Variants in DPP10 observed in about 807,000 individuals in gnomAD.
DPP10 encodes dipeptidyl peptidase like 10.
A neutral mutation model predicts 120.9 loss-of-function variants in DPP10; 33 were observed. The observed-to-expected ratio is 0.27, with a 90% CI of 0.21 to 0.37. DPP10 has a LOEUF of 0.37. Ranked by LOEUF, DPP10 falls within the 10% of genes least tolerant of loss-of-function variation. The pLI is 1.00. For missense variants in DPP10, 816 were observed against 942.8 expected, an observed-to-expected ratio of 0.87 and a Z score of 1.76; for synonymous variants, 337 against 326.1, an observed-to-expected ratio of 1.03 and a Z score of -0.36.
chr2:115,124,966 T>C (rs2049997303), intron 1 of DPP10, among the ~76,000 whole-genome samples: 1 of 152,218 alleles, frequency 6.6e-6, no homozygotes, highest in Non-Finnish European at 1.5e-5. Flanking sequence ...TAATTCATCC[T>C]AACCACTCCT....
chr2:115,672,718 T>TTCTTTCTCTTTCTTTCTCTTTC (rs1294432919), intron 5 of DPP10, among the ~76,000 whole-genome samples: 1 of 115,744 alleles, frequency 8.6e-6, no homozygotes, highest in Non-Finnish European at 2.0e-5. Context: ...TTCTCTTTCT[T>TTCTTTCTCTTTCTTTCTCTTTC]TCTCTTTCTC....
rs35758447 is a variant in DPP10 at position 115,243,773 on chromosome 2, A to ATTT, written c.61-65458_61-65456dup. Among the ~76,000 whole-genome samples, 122 of 149,022 alleles carry ATTT rather than the reference A, an allele frequency of 8.2e-4. 1 individual carries two copies. The highest frequency in any genetic ancestry group is 6.8e-3 in the Middle Eastern group (2 of 292). ...CTTCTTGCTGGTTTTTTTTTAAACT[A>ATTT]TTTTTTTTTTCATCTAGCCACCAGA... On this transcript the variant is annotated intron_variant, in intron 1 of 25. Coordinates refer to ENST00000410059, the MANE Select transcript of DPP10 (RefSeq NM_020868.6).
At chr2:114,735,448 A>G (rs1677333706) in intron 1 of DPP10, among the ~76,000 whole-genome samples, 1 of 152,142 alleles carries the variant, frequency 6.6e-6, no homozygotes, top group Non-Finnish European at 1.5e-5. Flanking sequence ...AAAATGTAAA[A>G]ATCTTTCAGA....
At chr2:115,005,560 C>T (rs1164223937) in intron 1 of DPP10, among the ~76,000 whole-genome samples, 1 of 151,468 alleles carries the variant, frequency 6.6e-6, no homozygotes, top group Non-Finnish European at 1.5e-5. Context: ...TCGAGAACTA[C>T]GTGAAGAATG....
intron 1 of DPP10, among the ~76,000 whole-genome samples, chr2:115,047,688 G>T (rs1705168380): frequency 6.6e-6 from 1 of 152,026 alleles, no homozygotes; most frequent in Admixed American, 6.6e-5. Context: ...CTCAAGACAA[G>T]AATTTAATAA....
At chr2:115,473,438 C>T (rs1048407883) in intron 3 of DPP10, among the ~76,000 whole-genome samples, 2 of 152,302 alleles carry the variant, frequency 1.3e-5, no homozygotes, top group East Asian at 3.9e-4. Context: ...TGAGTGAGGG[C>T]TCCTTGACTC....
chr2:115,700,646 C>A (rs763775574), intron 7 of DPP10, among the ~76,000 whole-genome samples: 2 of 151,958 alleles, frequency 1.3e-5, no homozygotes, highest in Non-Finnish European at 2.9e-5. Flanking sequence ...AAAATTATTT[C>A]CATTTACAGA....
intron 5 of DPP10, among the ~76,000 whole-genome samples, chr2:115,679,527 TGTAAA>T (rs2090506922): frequency 6.6e-6 from 1 of 152,204 alleles, no homozygotes; most frequent in Non-Finnish European, 1.5e-5. Flanking sequence ...CTCTTTTCTT[TGTAAA>T]TTACCAAGTC....
intron 5 of DPP10, among the ~76,000 whole-genome samples, chr2:115,537,599 G>T (rs1358257980): frequency 6.9e-6 from 1 of 144,376 alleles, no homozygotes; most frequent in African/African-American, 2.6e-5. Flanking sequence ...TCTGTGTATG[G>T]TCTAGAACAA....
intron 2 of DPP10, among the ~76,000 whole-genome samples, chr2:115,341,245 C>T (rs1259413345): frequency 1.3e-5 from 2 of 151,912 alleles, no homozygotes; most frequent in African/African-American, 4.8e-5. Flanking sequence ...CATGTAATAC[C>T]CAGGGTTTTT....
chr2:115,653,291 C>A (rs139030694), intron 5 of DPP10, among the ~76,000 whole-genome samples: 1 of 151,864 alleles, frequency 6.6e-6, no homozygotes, highest in African/African-American at 2.4e-5. Flanking sequence ...TTGTTTAATA[C>A]AAGTTAAAAA....
chr2:115,058,853 G>C (rs1436634277), intron 1 of DPP10, among the ~76,000 whole-genome samples: 1 of 150,670 alleles, frequency 6.6e-6, no homozygotes, highest in African/African-American at 2.4e-5. Context: ...TTTGTTTTTT[G>C]TTTTTCTTGT....
intron 6 of DPP10, 41 bp from the exon 7 acceptor site, chr2:115,689,799 A>G (rs1372442814): frequency 1.9e-6 from 3 of 1,611,380 alleles, no homozygotes; most frequent in South Asian, 2.2e-5. Context: ...GTTGGTGTAG[A>G]TATCAGTTTG....
intron 7 of DPP10, among the ~76,000 whole-genome samples, chr2:115,696,622 G>C (rs551439731): frequency 1.3e-5 from 2 of 152,108 alleles, no homozygotes; most frequent in Non-Finnish European, 2.9e-5. Flanking sequence ...GAGTCCAGCA[G>C]GTTGAAATGA....
chr2:115,622,592 T>C (rs899135997), intron 5 of DPP10, among the ~76,000 whole-genome samples: 1 of 150,472 alleles, frequency 6.6e-6, no homozygotes, highest in African/African-American at 2.4e-5. Context: ...TGCTGAGTCA[T>C]ATGGTAACTC....
chr2:115,684,627 A>C (rs1021920844), intron 5 of DPP10, among the ~76,000 whole-genome samples: 1 of 151,828 alleles, frequency 6.6e-6, no homozygotes, highest in South Asian at 2.1e-4. Context: ...CGGCTGTTCA[A>C]CTGCAGTGCA....
chr2:114,974,750 C>A (rs1390422250), intron 1 of DPP10, among the ~76,000 whole-genome samples: 2 of 151,988 alleles, frequency 1.3e-5, no homozygotes, highest in Non-Finnish European at 2.9e-5. Context: ...GGTCTATACA[C>A]CTTCAAGGTT....
chr2:115,781,293 T>G (rs192580323), intron 16 of DPP10, among the ~76,000 whole-genome samples: 4 of 151,960 alleles, frequency 2.6e-5, no homozygotes, highest in Admixed American at 2.6e-4. Context: ...CATGCCACAA[T>G]CATAAACTAA....
At chr2:115,254,753 T>C (rs2058906269) in intron 1 of DPP10, among the ~76,000 whole-genome samples, 1 of 152,178 alleles carries the variant, frequency 6.6e-6, no homozygotes, top group African/African-American at 2.4e-5. Context: ...TGAAATTCAA[T>C]AGGGTAGTCA....
Sources: gnomAD v4.1 joint callset for allele counts (sites outside exome capture counted in the v4.1 genomes callset) on GRCh38, gnomAD v4.1.1 for gene constraint, MANE v1.5 for transcripts, NCBI Gene and HGNC (gene_info 2026-07-23, HGNC 2026-07-21) for gene names.